The following SAMMSON variants were observed in gnomAD, a reference collection of about 807,000 sequenced individuals.
SAMMSON encodes long intergenic non-protein coding RNA 1212.
In SAMMSON at chr3:70,196,288, C is replaced by T. The variant is rs1701179007; in HGVS notation, n.508-52819C>T. Among the ~76,000 whole-genome samples, 4 of 152,250 alleles carry T rather than the reference C, an allele frequency of 2.6e-5. No individual in the cohort carries two copies. In the South Asian group the frequency reaches 8.3e-4, roughly 32 times the overall value. On this transcript the variant is annotated intron_variant and non_coding_transcript_variant, in intron 4 of 9. Transcript: ENST00000642114. ...ATATGGTCTAGAATTATAGTACTCT[C>T]TTGAAGTACACCATATTCAAAATTC...
At chr3:70,017,232 T>G (rs918670114) in intron 3 of SAMMSON, among the ~76,000 whole-genome samples, 49 of 152,178 alleles carry the variant, frequency 3.2e-4, no homozygotes, top group Admixed American at 7.2e-4. Context: ...TGGAATGTTA[T>G]TCCATTTGTT....
chr3:70,163,935 CT>C (rs1288728214), intron 4 of SAMMSON, among the ~76,000 whole-genome samples: 1 of 151,932 alleles, frequency 6.6e-6, no homozygotes, highest in Non-Finnish European at 1.5e-5. Flanking sequence ...AGGTAATTGC[CT>C]TGTATAGTTT....
chr3:70,057,299 CG>C (rs763457421), intron 3 of SAMMSON, among the ~76,000 whole-genome samples: 13 of 151,900 alleles, frequency 8.6e-5, no homozygotes, highest in Non-Finnish European at 1.6e-4. Context: ...CTTTTGAATG[CG>C]TATCTTCTTT....
chr3:70,124,814 CAAAAAAAAAAAAAA>C (rs1208323683), intron 4 of SAMMSON, among the ~76,000 whole-genome samples: 1 of 53,692 alleles, frequency 1.9e-5, no homozygotes, highest in African/African-American at 7.3e-5. Context: ...GACTCCATCT[CAAAAAAAAAAAAAA>C]AAAAAAAAAA....
rs539244578 is a variant in SAMMSON, at chr3:70,089,102, G to A, written n.507+17537G>A. ...CTAAAATGGGGCAATAAAAGAGGAC[G>A]CTTGAAAAAACAAACTGCTTGTTAT... On this transcript the variant is annotated intron_variant and non_coding_transcript_variant, in intron 4 of 9. Transcript: ENST00000642114. 4.6e-5 allele frequency among the ~76,000 whole-genome samples: 7 copies of A among 151,938 alleles called. No homozygotes were observed. In the East Asian group the frequency reaches 9.7e-4, roughly 21 times the overall value.
intron 2 of SAMMSON, among the ~76,000 whole-genome samples, chr3:70,420,716 G>C (rs1264421951): frequency 6.6e-6 from 1 of 152,194 alleles, no homozygotes; most frequent in Non-Finnish European, 1.5e-5. Flanking sequence ...TCCAGGAGGA[G>C]ATTGTGGGAA....
At chr3:70,034,012 G>T (rs188377994) in intron 3 of SAMMSON, among the ~76,000 whole-genome samples, 7 of 152,212 alleles carry the variant, frequency 4.6e-5, no homozygotes, top group Middle Eastern at 3.4e-3. Flanking sequence ...CAGGTGACAA[G>T]ATGGATCTAT....
chr3:70,430,963 A>T (rs1276599176), intron 2 of SAMMSON, among the ~76,000 whole-genome samples: 1 of 152,088 alleles, frequency 6.6e-6, no homozygotes, highest in African/African-American at 2.4e-5. Flanking sequence ...TTCACCTGAG[A>T]AATTAATATA....
At chr3:70,324,202 C>T (rs1702560912) in intron 7 of SAMMSON, among the ~76,000 whole-genome samples, 1 of 149,724 alleles carries the variant, frequency 6.7e-6, no homozygotes, top group East Asian at 2.0e-4. Context: ...TATCTATCAT[C>T]TATCTATCTA....
chr3:70,072,125 C>T (rs1382848329), intron 4 of SAMMSON: 1 of 152,090 alleles, frequency 6.6e-6, no homozygotes, highest in Non-Finnish European at 1.5e-5. Flanking sequence ...CCCTCCCACC[C>T]GCTCCTCGTT....
chr3:70,274,237 A>ACTC (rs2106674815), intron 6 of SAMMSON, among the ~76,000 whole-genome samples: 1 of 151,896 alleles, frequency 6.6e-6, no homozygotes, highest in Admixed American at 6.6e-5. Flanking sequence ...ATGTTTTAAT[A>ACTC]CTCTCAGTTA....
chr3:70,010,398 C>G (rs946235046), intron 1 of SAMMSON, among the ~76,000 whole-genome samples: 1 of 152,162 alleles, frequency 6.6e-6, no homozygotes, highest in East Asian at 1.9e-4. Flanking sequence ...ATGTAATGGC[C>G]TTCTTTGTCT....
chr3:70,137,284 A>T (rs1471405959), intron 4 of SAMMSON, among the ~76,000 whole-genome samples: 1 of 152,194 alleles, frequency 6.6e-6, no homozygotes, highest in Non-Finnish European at 1.5e-5. Context: ...ATTTATTTTA[A>T]AAAAACTCCT....
chr3:70,157,778 A>G (rs1436620380), intron 4 of SAMMSON, among the ~76,000 whole-genome samples: 4 of 152,060 alleles, frequency 2.6e-5, no homozygotes, highest in African/African-American at 2.4e-5. Flanking sequence ...TTTAATTCTC[A>G]TAACGATCTT....
chr3:70,055,933 G>A (rs564124917), intron 3 of SAMMSON, among the ~76,000 whole-genome samples: 1 of 152,012 alleles, frequency 6.6e-6, no homozygotes, highest in Non-Finnish European at 1.5e-5. Context: ...TATTTATGAA[G>A]CCCCTTACTT....
At chr3:70,124,119 G>A (rs559566411) in intron 4 of SAMMSON, among the ~76,000 whole-genome samples, 3 of 152,114 alleles carry the variant, frequency 2.0e-5, no homozygotes, top group Non-Finnish European at 4.4e-5. Flanking sequence ...CTCTTGAATC[G>A]GTCACTGTGA....
chr3:70,170,404 G>A (rs891081821), intron 4 of SAMMSON, among the ~76,000 whole-genome samples: 2 of 151,416 alleles, frequency 1.3e-5, no homozygotes, highest in African/African-American at 4.8e-5. Flanking sequence ...GGAATCTGGC[G>A]GAATAATTTT....
chr3:70,330,855 T>C (rs1466673000), intron 7 of SAMMSON, among the ~76,000 whole-genome samples: 1 of 152,144 alleles, frequency 6.6e-6, no homozygotes, highest in East Asian at 1.9e-4. Context: ...TAGACATTTG[T>C]TATATAGAAT....
At chr3:70,344,429 C>T (rs1003594399) in intron 7 of SAMMSON, among the ~76,000 whole-genome samples, 2 of 152,128 alleles carry the variant, frequency 1.3e-5, no homozygotes, top group Non-Finnish European at 2.9e-5. Flanking sequence ...ATCCCCCTTC[C>T]AGTTCCCCAT....
Sources: gnomAD v4.1 joint callset for allele counts (sites outside exome capture counted in the v4.1 genomes callset) on GRCh38, gnomAD v4.1.1 for gene constraint, MANE v1.5 for transcripts, NCBI Gene and HGNC (gene_info 2026-07-23, HGNC 2026-07-21) for gene names.